The following HIVEP2 variants were observed in gnomAD, a reference collection of about 807,000 sequenced individuals.
HIVEP2 encodes the protein HIVEP zinc finger 2.
HIVEP2 carries 14 observed loss-of-function variants against 180.7 expected under a neutral mutation model. The observed-to-expected ratio is 0.08, with a 90% CI of 0.05 to 0.12. The LOEUF (loss-of-function observed/expected upper bound fraction) is 0.12. HIVEP2 is among the 10% of genes least tolerant of loss of function. The probability of loss-of-function intolerance (pLI) is 1.00; values close to 1 mark genes in which losing one functional copy is unlikely to be tolerated. For synonymous variants in HIVEP2, 1,184 were observed against 1,136.4 expected, an observed-to-expected ratio of 1.04 and a Z score of -0.84; for missense variants, 2,579 against 3,008.5, an observed-to-expected ratio of 0.86 and a Z score of 3.34.
chr6:142,818,414 C>T (rs1056754398), intron 2 of HIVEP2, among the ~76,000 whole-genome samples: 9 of 152,056 alleles, frequency 5.9e-5, no homozygotes, highest in South Asian at 2.1e-4. Flanking sequence ...CGGTGGCTCA[C>T]GCCTGTAATC....
intron 1 of HIVEP2, among the ~76,000 whole-genome samples, chr6:142,893,642 C>CA (rs1776913821): frequency 6.6e-6 from 1 of 152,170 alleles, no homozygotes; most frequent in Admixed American, 6.5e-5. Context: ...TTCTCTCAAT[C>CA]AAGAAATAGC....
chr6:142,761,658 A>G (rs1775241844), intron 7 of HIVEP2, 93 bp from the exon 8 acceptor site: 1 of 771,498 alleles, frequency 1.3e-6, no homozygotes, highest in Admixed American at 1.8e-5. Context: ...AAATGAACTA[A>G]TTTTATTAAA....
chr6:142,812,330 C>T (rs116836581), intron 2 of HIVEP2, among the ~76,000 whole-genome samples: 1 of 152,182 alleles, frequency 6.6e-6, no homozygotes, highest in Non-Finnish European at 1.5e-5. Context: ...CTGTTCCCAA[C>T]AGCCGGAGGG....
At chr6:142,880,408 C>G (rs1776552424) in intron 1 of HIVEP2, among the ~76,000 whole-genome samples, 1 of 152,162 alleles carries the variant, frequency 6.6e-6, no homozygotes, top group South Asian at 2.1e-4. Flanking sequence ...CCAGTGGAGA[C>G]AGCTGAGCCT....
chr6:142,888,872 C>T (rs1776777474), intron 1 of HIVEP2, among the ~76,000 whole-genome samples: 1 of 152,180 alleles, frequency 6.6e-6, no homozygotes, highest in Admixed American at 6.5e-5. Context: ...ATCCTCAGTT[C>T]TCCCTCTTCT....
intron 1 of HIVEP2, among the ~76,000 whole-genome samples, chr6:142,920,261 C>T (rs1237150989): frequency 6.6e-6 from 1 of 152,216 alleles, no homozygotes; most frequent in African/African-American, 2.4e-5. Context: ...TCATATTCTG[C>T]TACTTATTTG....
chr6:142,841,941 C>G (rs1162360739), intron 1 of HIVEP2, among the ~76,000 whole-genome samples: 1 of 151,942 alleles, frequency 6.6e-6, no homozygotes. Flanking sequence ...CTTTACATGC[C>G]GGAAAATGCT....
At chr6:142,811,471 G>A (rs1018370047) in intron 2 of HIVEP2, among the ~76,000 whole-genome samples, 1 of 152,102 alleles carries the variant, frequency 6.6e-6, no homozygotes, top group African/African-American at 2.4e-5. Context: ...TTGTGCAATG[G>A]CTAAAATTTC....
At chr6:142,778,800 C>T (rs1244088852) in intron 3 of HIVEP2, among the ~76,000 whole-genome samples, 1 of 152,110 alleles carries the variant, frequency 6.6e-6, no homozygotes, top group African/African-American at 2.4e-5. Context: ...CACTACTCTC[C>T]ATTAAGTTTT....
chr6:142,877,247 T>G (rs912116103), intron 1 of HIVEP2, among the ~76,000 whole-genome samples: 2 of 152,194 alleles, frequency 1.3e-5, no homozygotes, highest in African/African-American at 2.4e-5. Context: ...AACAAGCTCA[T>G]GAAGTACACA....
At chr6:142,944,254 G>C (rs1376220493) in intron 1 of HIVEP2, among the ~76,000 whole-genome samples, 1 of 151,906 alleles carries the variant, frequency 6.6e-6, no homozygotes, top group Non-Finnish European at 1.5e-5. Flanking sequence ...CATGTCCTCT[G>C]CTGCACTGGA....
Position 142,898,636 on chromosome 6 carries a change from G to A in HIVEP2, c.-641+46463C>T, listed in dbSNP as rs552393759. On this transcript the variant is annotated intron_variant, in intron 1 of 9. Transcript: ENST00000367603. The stretch of plus-strand genomic sequence containing the variant: ...CACACTACTGCACTCCAGCCTGGGC[G>A]ACAGAGTGAAACTCCATCTCAATAA... Among the ~76,000 whole-genome samples, 7 of 152,226 alleles carry A rather than the reference G, an allele frequency of 4.6e-5. No homozygotes were observed. In the South Asian group the frequency reaches 6.2e-4, roughly 14 times the overall value.
chr6:142,935,195 C>G (rs189516590), intron 1 of HIVEP2, among the ~76,000 whole-genome samples: 2 of 152,202 alleles, frequency 1.3e-5, no homozygotes, highest in Non-Finnish European at 2.9e-5. Context: ...TGGATGGACA[C>G]ATGGAGGCAC....
chr6:142,770,088 G>A lies in HIVEP2; in HGVS notation c.4651C>T (p.Leu1551Phe), dbSNP rs927824261. The change falls in exon 5 of 10, where the codon CTT becomes TTT. Residue 1551 changes from leucine to phenylalanine, a missense_variant. By Grantham distance (22) the Leu-to-Phe change is conservative. Coordinates refer to ENST00000367603, the MANE Select transcript of HIVEP2 (RefSeq NM_006734.4). This position sits in a 1 kb window ranked among gnomAD's most constrained non-coding sequence, Gnocchi z 4.7. ...KEMLSGSRAP[L>F]PGQKSSGPSE... The stretch of plus-strand genomic sequence containing the variant: ...GGCCCACTGGACTTCTGCCCCGGAA[G>A]TGGTGCCCGGGAACCGGAAAGCATC... The A allele has an allele frequency of 6.2e-7, 1 of 1,614,226 alleles. No individual in the cohort carries two copies. Among genetic ancestry groups the A allele is most frequent in the African/African-American group, 1.3e-5 (1 of 75,072 alleles).
At chr6:142,805,782 G>A (rs1776534389) in intron 2 of HIVEP2, among the ~76,000 whole-genome samples, 1 of 152,070 alleles carries the variant, frequency 6.6e-6, no homozygotes. Flanking sequence ...TAATTTGGAG[G>A]GCTCTGGTAG....
At chr6:142,809,892 C>T (rs924524082) in intron 2 of HIVEP2, among the ~76,000 whole-genome samples, 2 of 152,168 alleles carry the variant, frequency 1.3e-5, no homozygotes, top group African/African-American at 4.8e-5. Context: ...CTGTGCCCGG[C>T]CCAATATTCT....
At chr6:142,793,673 T>TTCTTTCTTTCTTTCTTTCTTTCTC (rs1289211652) in intron 2 of HIVEP2, among the ~76,000 whole-genome samples, 10 of 107,500 alleles carry the variant, frequency 9.3e-5, no homozygotes, top group Admixed American at 1.2e-4. Flanking sequence ...CTTTCTTTCT[T>TTCTTTCTTTCTTTCTTTCTTTCTC]TCTCTCTCTC....
intron 2 of HIVEP2, among the ~76,000 whole-genome samples, chr6:142,797,727 C>A (rs1776311565): frequency 6.6e-6 from 1 of 152,046 alleles, no homozygotes; most frequent in Non-Finnish European, 1.5e-5. Flanking sequence ...TATAATTGTC[C>A]TTTTTAATTA....
chr6:142,942,364 A>T (rs1778200794), intron 1 of HIVEP2, among the ~76,000 whole-genome samples: 1 of 152,170 alleles, frequency 6.6e-6, no homozygotes, highest in Non-Finnish European at 1.5e-5. Flanking sequence ...TAAAAGAGTC[A>T]AACAGATCTT....
Sources: gnomAD v4.1 joint callset for allele counts (sites outside exome capture counted in the v4.1 genomes callset) on GRCh38, gnomAD v4.1.1 for gene constraint, Gnocchi (gnomAD v3.1) non-coding constraint, MANE v1.5 for transcripts, NCBI Gene and HGNC (gene_info 2026-07-23, HGNC 2026-07-21) for gene names.